The following DOK1 variants were observed in gnomAD, a reference collection of about 807,000 sequenced individuals.
The protein encoded by DOK1 is docking protein 1, also known as Downstream of tyrosine kinase 1.
DOK1 carries 12 observed loss-of-function variants against 24.0 expected under a neutral mutation model. The ratio of observed to expected loss-of-function variants is 0.50; its 90% CI spans 0.32 to 0.81. DOK1 has a LOEUF of 0.81. DOK1 is among the 30% of genes least tolerant of loss of function. DOK1 has a pLI of 0.03. For synonymous variants in DOK1, 250 were observed against 260.9 expected (o/e 0.96, Z 0.40); for missense variants, 591 against 620.7 (o/e 0.95, Z 0.51).
upstream of DOK1, chr2:74,552,622 T>G (rs1677090578): frequency 2.6e-6 from 4 of 1,563,466 alleles, no homozygotes; most frequent in Admixed American, 1.8e-5. Flanking sequence ...TGCCAGACAC[T>G]GACAGGTCGC....
In DOK1 at chr2:74,555,092, C is replaced by A. The variant is rs1379743305; in HGVS notation, c.61-62C>A. On this transcript the variant is annotated intron_variant, in intron 1 of 4. Transcript: ENST00000233668. This position sits in a 1 kb window ranked among gnomAD's most constrained non-coding sequence, Gnocchi z 6.1. ...CGACTTGCGCCGCAACCTCCTTCCC[C>A]GTCGGGACCCGGGCCGCCTGCGCAC... is the stretch of plus-strand genomic sequence containing the variant. The A allele has an allele frequency of 2.0e-5, 31 of 1,542,450 alleles. No homozygotes were observed. The highest frequency in any genetic ancestry group is 2.3e-5 in the East Asian group (1 of 43,454).
At position 74,549,182 on chromosome 2, in the gene DOK1, T is replaced by C; in HGVS notation, c.-358+10T>C. Reference sequence around the variant, plus strand: ...CTGGTCCCCATTTCAGGTACTCCCTTGGGGCACCTTTCGTGGTCCCACAAG... The same window carrying C: ...CTGGTCCCCATTTCAGGTACTCCCTCGGGGCACCTTTCGTGGTCCCACAAG... On this transcript the variant is annotated intron_variant, in intron 1 of 4. Coordinates refer to the DOK1 transcript ENST00000409429. This position sits in a 1 kb window ranked among gnomAD's most constrained non-coding sequence, Gnocchi z 5.3. 2 of 613,756 alleles carry C rather than the reference T, an allele frequency of 3.3e-6. No homozygotes were observed. The highest frequency in any genetic ancestry group is 5.3e-6 in the Non-Finnish European group (2 of 377,276). 38.0% of individuals were successfully genotyped at this position (613,756 alleles called of 1,614,324 possible). A position where few individuals can be genotyped will look rare whatever the true frequency, so the allele number is the denominator to read the frequency against.
chr2:74,553,404 C>T (rs1677154716), upstream of DOK1, among the ~76,000 whole-genome samples: 1 of 152,222 alleles, frequency 6.6e-6, no homozygotes, highest in Non-Finnish European at 1.5e-5. Context: ...AGGGCCAGGC[C>T]TCAAGGCTGG....
upstream of DOK1, chr2:74,554,409 G>T (rs1677239566): frequency 1.0e-5 from 3 of 297,620 alleles, no homozygotes; most frequent in South Asian, 1.5e-4. This position sits in a 1 kb window ranked among gnomAD's most constrained non-coding sequence, Gnocchi z 4.9. Flanking sequence ...GGGCGCTTTC[G>T]GGGTGATGTC....
chr2:74,555,290 G>T lies in DOK1; in HGVS notation c.197G>T (p.Arg66Leu). 6.2e-7 allele frequency: 1 copy of T among 1,614,104 alleles called. No homozygotes were observed. The highest frequency in any genetic ancestry group is 2.2e-5 in the East Asian group (1 of 44,882). Residue 66 changes from arginine to leucine, a missense_variant, in exon 2 of 5, where the codon CGT (arginine) becomes CTT (leucine). Transcript: ENST00000233668. This position sits in a 1 kb window ranked among gnomAD's most constrained non-coding sequence, Gnocchi z 6.1. ...CGCCGCCTGGACTGCAAAGTGATCC[G>T]TCTGGCTGAGTGTGTGAGTGTGGCC... ...SSRRLDCKVI[R>L]LAECVSVAPV...
chr2:74,555,737 G>A lies in DOK1; in HGVS notation c.454+69G>A. 6.2e-7 allele frequency: 1 copy of A among 1,607,326 alleles called. No homozygotes were observed. The highest frequency in any genetic ancestry group is 8.5e-7 in the Non-Finnish European group (1 of 1,177,330). ...GAGGGCCGAGGGCCTTTGGGAAGTG[G>A]GTGGATACCCAGGGGCCCATGGGGA... On this transcript the variant is annotated intron_variant, in intron 3 of 4. Coordinates refer to ENST00000233668, the MANE Select transcript of DOK1 (RefSeq NM_001381.5). This position sits in a 1 kb window ranked among gnomAD's most constrained non-coding sequence, Gnocchi z 6.1.
upstream of DOK1, among the ~76,000 whole-genome samples, chr2:74,550,709 T>G (rs923602189): frequency 6.6e-6 from 1 of 152,194 alleles, no homozygotes; most frequent in African/African-American, 2.4e-5. Context: ...TGATCATTCT[T>G]AGAACAGAGC....
Position 74,549,464 on chromosome 2 carries a change from TTGCGAC to T in DOK1, c.-358+293_-358+298del. On this transcript the variant is annotated intron_variant, in intron 1 of 4. Transcript: ENST00000409429. The surrounding 1 kb of genome is among the most constrained non-coding windows in gnomAD (Gnocchi z 5.3). ...GGGCGCTCCAGCCTTTGTCGCACAC[TTGCGAC>T]CAGCCGTCAGGAAGCCTGACTTCCA... is the stretch of plus-strand genomic sequence containing the variant. 3 of 1,613,234 alleles carry T rather than the reference TTGCGAC, an allele frequency of 1.9e-6. No individual in the cohort carries two copies. Among genetic ancestry groups the T allele is most frequent in the Non-Finnish European group, 2.5e-6 (3 of 1,179,750 alleles).
Position 74,555,469 on chromosome 2 carries a change from G to A in DOK1, c.360+16G>A, listed in dbSNP as rs762957951. On this transcript the variant is annotated intron_variant, in intron 2 of 4. Transcript: ENST00000233668. This position sits in a 1 kb window ranked among gnomAD's most constrained non-coding sequence, Gnocchi z 6.1. ...CGCCTTTCCGGTGAGGAGCTGCGGCGATGCGGGGTGGGGGCAGTTACAGAG... is the reference window on the plus strand; with the variant it reads ...CGCCTTTCCGGTGAGGAGCTGCGGCAATGCGGGGTGGGGGCAGTTACAGAG... 6.2e-7 allele frequency: 1 copy of A among 1,607,962 alleles called. No individual in the cohort carries two copies. The highest frequency in any genetic ancestry group is 8.5e-7 in the Non-Finnish European group (1 of 1,177,806).
In DOK1 at chr2:74,554,778, G is replaced by A. The variant is rs1420738518; in HGVS notation, c.24G>A (p.Gly8=). 1 of 1,613,996 alleles carries A rather than the reference G, an allele frequency of 6.2e-7. No homozygotes were observed. The highest frequency in any genetic ancestry group is 1.7e-5 in the Admixed American group (1 of 60,012). Residue 8 remains glycine (G), a synonymous_variant, in exon 1 of 5, where the codon GGG becomes GGA. Transcript: ENST00000233668. The surrounding 1 kb of genome is among the most constrained non-coding windows in gnomAD (Gnocchi z 4.9). MDGAVME[G]PLFLQSQRFG... Reference sequence around the variant, plus strand: ...CCATGGACGGAGCAGTGATGGAAGGGCCGCTTTTTTTGCAGAGTCAGCGCT... The same window carrying A: ...CCATGGACGGAGCAGTGATGGAAGGACCGCTTTTTTTGCAGAGTCAGCGCT...
chr2:74,553,695 C>A (rs527282899), upstream of DOK1, among the ~76,000 whole-genome samples: 3 of 152,318 alleles, frequency 2.0e-5, no homozygotes, highest in East Asian at 5.8e-4. Context: ...ACACCCGTAG[C>A]CCCCGCCTCC....
chr2:74,549,789 C>A (rs1369137829), upstream of DOK1: 13 of 1,418,132 alleles, frequency 9.2e-6, no homozygotes, highest in Non-Finnish European at 1.2e-5. The surrounding 1 kb of genome is among the most constrained non-coding windows in gnomAD (Gnocchi z 5.3). Context: ...GCTGTGCTCC[C>A]AGAGAGGATT....
rs1405672759 is a variant in DOK1, at chr2:74,556,648, G to C, written c.980G>C (p.Gly327Ala). 1 of 1,614,260 alleles carries C rather than the reference G, an allele frequency of 6.2e-7. No homozygotes were observed. The highest frequency in any genetic ancestry group is 1.7e-5 in the Admixed American group (1 of 60,034). The change falls in exon 5 of 5, where the codon GGA (glycine) becomes GCA (alanine). Residue 327 changes from glycine (G) to alanine (A), a missense_variant. Physicochemically the swap from Gly to Ala is moderately conservative, Grantham distance 60. Transcript: ENST00000233668. The surrounding 1 kb of genome is among the most constrained non-coding windows in gnomAD (Gnocchi z 4.1). ...TTGGACAGCACGTCTGCTCAGGCAG[G>C]AGAGGGAGTACAACGGAAGAAACCT... ...DPLDSTSAQA[G>A]EGVQRKKPLY...
In DOK1 at chr2:74,556,333, G is replaced by C; in HGVS notation, c.665G>C (p.Arg222Pro). ...GTCATGTTCTCTTTCGAGGCCGGCCGCCGCTGCCCCTCAGGCCCTGGAACC... is the reference window on the plus strand; with the variant it reads ...GTCATGTTCTCTTTCGAGGCCGGCCCCCGCTGCCCCTCAGGCCCTGGAACC... ...DKVMFSFEAG[R>P]RCPSGPGTFT... The change falls in exon 5 of 5, where the codon CGC becomes CCC. Residue 222 changes from arginine to proline, a missense_variant. Coordinates refer to ENST00000233668, the MANE Select transcript of DOK1 (RefSeq NM_001381.5). This position sits in a 1 kb window ranked among gnomAD's most constrained non-coding sequence, Gnocchi z 4.1. The C allele has an allele frequency of 6.2e-7, 1 of 1,612,706 alleles. No individual in the cohort carries two copies. The highest frequency in any genetic ancestry group is 8.5e-7 in the Non-Finnish European group (1 of 1,179,254).
rs1677564707 is a variant in DOK1, at chr2:74,557,432, T to C, written c.*318T>C. ...CAGAATGGGTGCAGTTTGAGGGGCC[T>C]GTGTGGAGGCCTCAGGGAGATGTTG... On this transcript the variant is annotated 3_prime_UTR_variant, in exon 5 of 5. Coordinates refer to ENST00000233668, the MANE Select transcript of DOK1 (RefSeq NM_001381.5). The C allele has an allele frequency of 3.5e-6, 1 of 288,090 alleles. No individual in the cohort carries two copies. The highest frequency in any genetic ancestry group is 6.6e-6 in the Non-Finnish European group (1 of 152,528). The allele number at this position is 288,090 out of a possible 1,614,324, so 17.8% of individuals were successfully genotyped here. A position where few individuals can be genotyped will look rare whatever the true frequency, so the allele number is the denominator to read the frequency against.
rs754224083 is a variant in DOK1 at position 74,555,397 on chromosome 2, G to T, written c.304G>T (p.Ala102Ser). 5.6e-6 allele frequency: 9 copies of T among 1,611,504 alleles called. No individual in the cohort carries two copies. In the African/African-American group the frequency reaches 1.2e-4, roughly 22 times the overall value. The change falls in exon 2 of 5, where the codon GCC becomes TCC. Residue 102 changes from alanine (A) to serine (S), a missense_variant. By Grantham distance (99) the Ala-to-Ser change is moderately conservative (BLOSUM62 1). Coordinates refer to ENST00000233668, the MANE Select transcript of DOK1 (RefSeq NM_001381.5). This position sits in a 1 kb window ranked among gnomAD's most constrained non-coding sequence, Gnocchi z 6.1. ...DTAQRSHLLA[A>S]DAPSSAAWVQ... ...TGCTCAGCGCTCGCACCTGCTGGCG[G>T]CCGACGCGCCGTCCAGTGCAGCCTG...
In DOK1 at chr2:74,549,534, C is replaced by A. The variant is rs199751441; in HGVS notation, c.-358+362C>A. On this transcript the variant is annotated intron_variant, in intron 1 of 4. Coordinates refer to the DOK1 transcript ENST00000409429. The surrounding 1 kb of genome is among the most constrained non-coding windows in gnomAD (Gnocchi z 5.3). ...CACGGGCAGGGGTCGTCTGCCCCAC[C>A]CAACGGCGGGTCGAATTCGCACCTC... The A allele has an allele frequency of 1.2e-6, 2 of 1,612,730 alleles. No homozygotes were observed. The highest frequency in any genetic ancestry group is 1.3e-5 in the African/African-American group (1 of 74,938).
chr2:74,554,633 C>G (rs527267903), upstream of DOK1: 215 of 902,848 alleles, frequency 2.4e-4, 2 homozygotes, highest in African/African-American at 3.2e-3. This position sits in a 1 kb window ranked among gnomAD's most constrained non-coding sequence, Gnocchi z 4.9. Context: ...CCACCGCGAC[C>G]CCCCCAGCGG....
At chr2:74,550,439 C>G, upstream of DOK1, 1 of 1,352,496 alleles carries the variant, frequency 7.4e-7, no homozygotes, top group Non-Finnish European at 1.0e-6. Context: ...GCTGAGGCCT[C>G]CCACTTGGCC....
Sources: gnomAD v4.1 joint callset for allele counts (sites outside exome capture counted in the v4.1 genomes callset) on GRCh38, gnomAD v4.1.1 for gene constraint, Gnocchi (gnomAD v3.1) non-coding constraint, MANE v1.5 for transcripts, NCBI Gene and HGNC (gene_info 2026-07-23, HGNC 2026-07-21) for gene names.